The following JAKMIP2 variants were observed in gnomAD, a reference collection of about 807,000 sequenced individuals.
JAKMIP2 encodes the protein janus kinase and microtubule-interacting protein 2.
JAKMIP2 carries 25 observed loss-of-function variants against 115.0 expected under a neutral mutation model. That is an observed-to-expected ratio of 0.22 (90% confidence interval 0.16 to 0.30). JAKMIP2 has a LOEUF of 0.30. JAKMIP2 is among the 10% of genes least tolerant of loss of function. The pLI, the probability that JAKMIP2 is intolerant of heterozygous loss-of-function variation, is 1.00. For synonymous variants in JAKMIP2, 334 were observed against 343.6 expected (o/e 0.97, Z 0.31); for missense variants, 642 against 957.6 (o/e 0.67, Z 4.35).
intron 3 of JAKMIP2, among the ~76,000 whole-genome samples, chr5:147,655,606 A>G (rs536397087): frequency 4.0e-4 from 60 of 151,694 alleles, no homozygotes; most frequent in African/African-American, 1.4e-3. Flanking sequence ...TTATTAGTCT[A>G]GTTAGTGGTC....
At chr5:147,777,071 G>A (rs1032446136) in intron 1 of JAKMIP2, among the ~76,000 whole-genome samples, 2 of 152,202 alleles carry the variant, frequency 1.3e-5, no homozygotes, top group East Asian at 3.8e-4. Flanking sequence ...TGCACCTGGT[G>A]AAACTCCTAG....
chr5:147,695,650 C>CTGTGTG (rs572202242), intron 1 of JAKMIP2, among the ~76,000 whole-genome samples: 2,957 of 142,958 alleles, frequency 0.021, 108 homozygotes, highest in African/African-American at 0.071. Context: ...AGTGAAAGGT[C>CTGTGTG]TGTGTGTGTG....
At chr5:147,696,367 G>T (rs1402635314) in intron 1 of JAKMIP2, among the ~76,000 whole-genome samples, 4 of 152,168 alleles carry the variant, frequency 2.6e-5, no homozygotes, top group Non-Finnish European at 5.9e-5. Flanking sequence ...AGATCTGATG[G>T]TTTTATAAGG....
At chr5:147,679,512 C>T (rs10463279) in intron 1 of JAKMIP2, among the ~76,000 whole-genome samples, 6,508 of 152,194 alleles carry the variant, frequency 0.043, 202 homozygotes, top group South Asian at 0.12. Flanking sequence ...ATAGTAAATG[C>T]TATGAATGTA....
chr5:147,757,393 C>T (rs1036886371), intron 1 of JAKMIP2, among the ~76,000 whole-genome samples: 1 of 152,040 alleles, frequency 6.6e-6, no homozygotes, highest in Admixed American at 6.6e-5. Flanking sequence ...TCTCTCCATC[C>T]ACATGATTAA....
chr5:147,603,602 T>G (rs1464722661), intron 20 of JAKMIP2, among the ~76,000 whole-genome samples: 1 of 152,224 alleles, frequency 6.6e-6, no homozygotes, highest in African/African-American at 2.4e-5. Flanking sequence ...AGGTGAATCA[T>G]AAACCTCATC....
intron 1 of JAKMIP2, among the ~76,000 whole-genome samples, chr5:147,733,227 A>G (rs1753798439): frequency 6.6e-6 from 1 of 152,206 alleles, no homozygotes; most frequent in Non-Finnish European, 1.5e-5. Flanking sequence ...AATTCACTTT[A>G]GATGTGAGAG....
chr5:147,674,799 C>T (rs893737413), intron 1 of JAKMIP2, among the ~76,000 whole-genome samples: 3 of 152,172 alleles, frequency 2.0e-5, no homozygotes, highest in East Asian at 3.9e-4. Flanking sequence ...CAAATCTAAG[C>T]AATCTGAGAC....
At chr5:147,729,502 T>A (rs1344279027) in intron 1 of JAKMIP2, among the ~76,000 whole-genome samples, 1 of 152,036 alleles carries the variant, frequency 6.6e-6, no homozygotes, top group Non-Finnish European at 1.5e-5. Context: ...GGCCAGGAGC[T>A]GTGGTTCACG....
intron 1 of JAKMIP2, among the ~76,000 whole-genome samples, chr5:147,760,818 G>A (rs563463914): frequency 6.6e-6 from 1 of 152,106 alleles, no homozygotes; most frequent in Admixed American, 6.6e-5. Context: ...TTGAGAGGAA[G>A]AAATGGATGA....
intron 1 of JAKMIP2, among the ~76,000 whole-genome samples, chr5:147,742,155 A>ATAT: frequency 9.2e-6 from 1 of 108,876 alleles, no homozygotes; most frequent in African/African-American, 3.8e-5. Context: ...ATATATATAT[A>ATAT]TTTTTTTTAC....
At chr5:147,689,152 C>T (rs1437679278) in intron 1 of JAKMIP2, among the ~76,000 whole-genome samples, 3 of 152,104 alleles carry the variant, frequency 2.0e-5, no homozygotes, top group Non-Finnish European at 2.9e-5. Context: ...TGAGCACAGA[C>T]GTCCAAGTTC....
chr5:147,727,011 C>T (rs533119539), intron 1 of JAKMIP2, among the ~76,000 whole-genome samples: 11 of 152,352 alleles, frequency 7.2e-5, no homozygotes, highest in Non-Finnish European at 8.8e-5. Flanking sequence ...TTCACAATGA[C>T]GGCCTGGGTT....
chr5:147,734,674 TTTTG>T (rs1449401886), intron 1 of JAKMIP2, among the ~76,000 whole-genome samples: 5 of 152,114 alleles, frequency 3.3e-5, no homozygotes, highest in Non-Finnish European at 5.9e-5. Flanking sequence ...AGGAACGCCT[TTTTG>T]TTTTTGTATT....
At chr5:147,772,907 T>G (rs1755417829) in intron 1 of JAKMIP2, among the ~76,000 whole-genome samples, 2 of 152,122 alleles carry the variant, frequency 1.3e-5, no homozygotes, top group Admixed American at 1.3e-4. Context: ...CAGGCATGGA[T>G]GAAAATACTC....
chr5:147,688,152 A>G (rs1226967609), intron 1 of JAKMIP2, among the ~76,000 whole-genome samples: 1 of 152,222 alleles, frequency 6.6e-6, no homozygotes, highest in Non-Finnish European at 1.5e-5. Flanking sequence ...ATAGAAGTCA[A>G]AGTGTAAGGC....
At position 147,624,964 on chromosome 5, in the gene JAKMIP2, C is replaced by CTATTTATTTATTTATT. The variant is rs58840721; in HGVS notation, c.1996-1291_1996-1276dup. ...ACTAGTGGTATCTCACTACAAGGTA[C>CTATTTATTTATTTATT]TATTTATTTATTTATTTATTTATTA... On this transcript the variant is annotated intron_variant, in intron 16 of 21. Transcript: ENST00000616793. 9.3e-3 allele frequency among the ~76,000 whole-genome samples: 1,399 copies of CTATTTATTTATTTATT among 150,958 alleles called. 22 individuals are homozygous for CTATTTATTTATTTATT. Among genetic ancestry groups the CTATTTATTTATTTATT allele is most frequent in the African/African-American group, 0.032 (1,293 of 40,938 alleles).
chr5:147,759,340 G>A (rs1039691540), intron 1 of JAKMIP2, among the ~76,000 whole-genome samples: 2 of 152,024 alleles, frequency 1.3e-5, no homozygotes, highest in Admixed American at 6.6e-5. Flanking sequence ...ATATCAATTC[G>A]ACTAATTATC....
At chr5:147,596,508 A>C (rs1755396654) in intron 21 of JAKMIP2, among the ~76,000 whole-genome samples, 1 of 152,236 alleles carries the variant, frequency 6.6e-6, no homozygotes, top group Admixed American at 6.5e-5. Context: ...TCTTTGAAAG[A>C]TACGACAACT....
Sources: allele counts gnomAD v4.1 joint callset (sites outside exome capture counted in the v4.1 genomes callset), GRCh38; gene constraint gnomAD v4.1.1; transcripts MANE v1.5; gene names NCBI Gene and HGNC (gene_info 2026-07-23, HGNC 2026-07-21).